Variants in PAPLN observed in about 807,000 individuals in gnomAD.
PAPLN encodes the protein papilin, proteoglycan like sulfated glycoprotein.
In PAPLN, 146 loss-of-function variants were observed where a neutral mutation model predicts 159.0. That is an observed-to-expected ratio of 0.92 (90% CI 0.80 to 1.05). PAPLN has a LOEUF of 1.05. PAPLN is among the 50% of genes least tolerant of loss of function. The probability of loss-of-function intolerance (pLI) is 0.00; values close to 1 mark genes in which losing one functional copy is unlikely to be tolerated. For synonymous variants in PAPLN, 734 were observed against 702.9 expected, an observed-to-expected ratio of 1.04 and a Z score of -0.70; for missense variants, 1,720 against 1,743.9, an observed-to-expected ratio of 0.99 and a Z score of 0.24.
chr14:73,253,582 G>A (rs1885551559), intron 11 of PAPLN, among the ~76,000 whole-genome samples, 172 bp from the exon 12 acceptor site: 2 of 152,212 alleles, frequency 1.3e-5, no homozygotes, highest in Admixed American at 6.5e-5. Context: ...AGGCCCGGTG[G>A]TGGGGATGCT....
chr14:73,249,814 A>T (rs1885032668), intron 5 of PAPLN, 170 bp from the exon 6 acceptor site: 1 of 587,278 alleles, frequency 1.7e-6, no homozygotes, highest in Admixed American at 4.1e-5. Flanking sequence ...GGTGCAACAG[A>T]TTCATGGAGA....
In PAPLN at chr14:73,264,563, C is replaced by G. The variant is rs1044564036; in HGVS notation, c.2987-25C>G. ...ACTCCCTTTTCCTCACAGCTCACACCTTGTTTCTCCTGGCCTCATGACAGG... is the reference window on the plus strand; with the variant it reads ...ACTCCCTTTTCCTCACAGCTCACACGTTGTTTCTCCTGGCCTCATGACAGG... On this transcript the variant is annotated intron_variant, in intron 21 of 26. Transcript: ENST00000644200. 14 of 1,586,660 alleles carry G rather than the reference C, an allele frequency of 8.8e-6. No homozygotes were observed. The African/African-American group carries it at 1.6e-4, about 19-fold the overall frequency.
chr14:73,247,764 C>T (rs1884628220), intron 5 of PAPLN, among the ~76,000 whole-genome samples: 1 of 93,430 alleles, frequency 1.1e-5, no homozygotes, highest in African/African-American at 4.3e-5. Context: ...CCGATAGTGG[C>T]AGTGGGCGTG....
At chr14:73,256,393 G>A (rs1353707612) in intron 14 of PAPLN, among the ~76,000 whole-genome samples, 4 of 152,066 alleles carry the variant, frequency 2.6e-5, no homozygotes, top group South Asian at 2.1e-4. Flanking sequence ...TTAGCTGGGC[G>A]TTGTGGCAGG....
intron 26 of PAPLN, among the ~76,000 whole-genome samples, chr14:73,271,467 A>G (rs1339618483): frequency 4.6e-5 from 7 of 151,128 alleles, no homozygotes; most frequent in African/African-American, 1.5e-4. Context: ...AGTTTTAAGA[A>G]CCCCTTCCAG....
chr14:73,268,364 G>T, intron 25 of PAPLN, 193 bp from the exon 26 acceptor site: 1 of 532,162 alleles, frequency 1.9e-6, no homozygotes, highest in Non-Finnish European at 3.2e-6. Flanking sequence ...TCCCAAGGTT[G>T]GAGGGGCACC....
intron 5 of PAPLN, among the ~76,000 whole-genome samples, chr14:73,248,018 GTGTGTGTGTGTT>G (rs1566677345): frequency 7.3e-5 from 7 of 95,948 alleles, no homozygotes; most frequent in East Asian, 4.5e-4. Context: ...GTGTGTGTGT[GTGTGTGTGTGTT>G]GGGATTGTGG....
chr14:73,245,607 C>A lies in PAPLN; in HGVS notation c.171-29C>A. 2 of 1,550,432 alleles carry A rather than the reference C, an allele frequency of 1.3e-6. No homozygotes were observed. The highest frequency in any genetic ancestry group is 1.2e-5 in the South Asian group (1 of 84,116). On this transcript the variant is annotated intron_variant, in intron 3 of 26. Coordinates refer to ENST00000644200, the MANE Select transcript of PAPLN (RefSeq NM_001365906.3). This position sits in a 1 kb window ranked among gnomAD's most constrained non-coding sequence, Gnocchi z 4.2. ...GGGGGCAGGGACGTTGGGTCTCGGT[C>A]AGGTCTTCCCGGTGCTCTGGTCCCG... is the stretch of plus-strand genomic sequence containing the variant.
chr14:73,249,102 G>T (rs1329826446), intron 5 of PAPLN, among the ~76,000 whole-genome samples: 1 of 152,204 alleles, frequency 6.6e-6, no homozygotes, highest in East Asian at 1.9e-4. Flanking sequence ...CTGCATTCCA[G>T]CCTGGGAGAC....
chr14:73,252,270 T>C, intron 10 of PAPLN, 129 bp downstream of exon 10: 1 of 1,365,414 alleles, frequency 7.3e-7, no homozygotes, highest in Non-Finnish European at 9.6e-7. Flanking sequence ...AGGCGAGAAA[T>C]CTCTGTGTTA....
At chr14:73,262,195 T>C (rs1264293518) in intron 18 of PAPLN, 155 bp from the exon 19 acceptor site, 3 of 773,770 alleles carry the variant, frequency 3.9e-6, no homozygotes, top group East Asian at 5.0e-5. Context: ...GGAAGCATCC[T>C]GGATCCCAGG....
At chr14:73,241,056 G>A (rs1883491540) in intron 2 of PAPLN, among the ~76,000 whole-genome samples, 1 of 152,138 alleles carries the variant, frequency 6.6e-6, no homozygotes, top group African/African-American at 2.4e-5. Context: ...CGGAGGCTGA[G>A]CAGGACTCCT....
intron 11 of PAPLN, among the ~76,000 whole-genome samples, chr14:73,253,531 G>A (rs1335943068): frequency 6.6e-6 from 1 of 152,218 alleles, no homozygotes; most frequent in Non-Finnish European, 1.5e-5. Context: ...AGCCAAGGGG[G>A]AGGCGCAGGG....
chr14:73,255,326 G>A (rs898853005), intron 14 of PAPLN, among the ~76,000 whole-genome samples: 1 of 152,100 alleles, frequency 6.6e-6, no homozygotes, highest in Non-Finnish European at 1.5e-5. Context: ...GGTTGTATAC[G>A]GCTTGTCAGA....
At position 73,250,902 on chromosome 14, in the gene PAPLN, C is replaced by T. The variant is rs372156347; in HGVS notation, c.466-5C>T. 10 of 1,610,304 alleles carry T rather than the reference C, an allele frequency of 6.2e-6. No homozygotes were observed. Among genetic ancestry groups the T allele is most frequent in the Non-Finnish European group, 8.5e-6 (10 of 1,178,254 alleles). On this transcript the variant is annotated splice_region_variant and splice_polypyrimidine_tract_variant and intron_variant, in intron 6 of 26. Coordinates refer to ENST00000644200, the MANE Select transcript of PAPLN (RefSeq NM_001365906.3). ...CTCCCCTGCCTCCCGCATCTCTGCC[C>T]ACAGGTTGTCGGCTGTGATCACGAG...
Position 73,260,729 on chromosome 14 carries a change from G to A in PAPLN, c.2006G>A (p.Arg669Lys). The A allele has an allele frequency of 6.8e-7, 1 of 1,474,088 alleles. No homozygotes were observed. Among genetic ancestry groups the A allele is most frequent in the Non-Finnish European group, 9.0e-7 (1 of 1,116,982 alleles). 91.3% of individuals were successfully genotyped at this position (1,474,088 alleles called of 1,614,324 possible). ...CCTAGGTACGGGTGCTGCCCTGACA[G>A]GGTATCTGTCGCTGAGGGGCCCCAT... ...QQSRYGCCPDRVSVAEGPHHA... is the reference protein window; with the variant it reads ...QQSRYGCCPDKVSVAEGPHHA... The change falls in exon 17 of 27, where the codon AGG becomes AAG. Residue 669 changes from arginine to lysine, a missense_variant. Coordinates refer to ENST00000644200, the MANE Select transcript of PAPLN (RefSeq NM_001365906.3).
chr14:73,263,510 C>T, intron 19 of PAPLN, 135 bp from the exon 20 acceptor site: 1 of 1,152,150 alleles, frequency 8.7e-7, no homozygotes, highest in Non-Finnish European at 1.3e-6. Context: ...CTCTGCCTCC[C>T]ATAGGGACCC....
chr14:73,244,439 C>A (rs1196991531), intron 2 of PAPLN: 2 of 534,596 alleles, frequency 3.7e-6, no homozygotes, highest in Admixed American at 3.4e-5. Context: ...CTCTCAGCTC[C>A]TTATGAGGAA....
chr14:73,263,593 T>TCTGGTC (rs1414103773), intron 19 of PAPLN, 52 bp from the exon 20 acceptor site: 1 of 1,611,352 alleles, frequency 6.2e-7, no homozygotes. Flanking sequence ...TTAGGGTGGT[T>TCTGGTC]CTGGTCCTGG....
Sources: allele counts gnomAD v4.1 joint callset (sites outside exome capture counted in the v4.1 genomes callset), GRCh38; gene constraint gnomAD v4.1.1; non-coding constraint Gnocchi (gnomAD v3.1); transcripts MANE v1.5; gene names NCBI Gene and HGNC (gene_info 2026-07-23, HGNC 2026-07-21).